PCDH11X: variants seen among roughly 807,000 people sequenced by gnomAD.
PCDH11X encodes protocadherin-11 X-linked.
A neutral mutation model predicts 53.3 loss-of-function variants in PCDH11X; 18 were observed. The ratio of observed to expected loss-of-function variants is 0.34; its 90% CI spans 0.23 to 0.50. The LOEUF is 0.50. PCDH11X is among the 20% of genes least tolerant of loss of function. PCDH11X has a pLI of 0.98. For missense variants in PCDH11X, 570 were observed against 1,032.4 expected, an observed-to-expected ratio of 0.55 and a Z score of 6.14; for synonymous variants, 279 against 393.3, an observed-to-expected ratio of 0.71 and a Z score of 3.44.
chrX:92,144,521 A>G (rs1334432786), intron 6 of PCDH11X, among the ~76,000 whole-genome samples: 2 of 111,502 alleles, frequency 1.8e-5, no homozygotes, highest in African/African-American at 6.6e-5. Context: ...TGCTACTGCC[A>G]TGTAAGAAGT....
At position 92,611,867 on chromosome X, in the gene PCDH11X, C is replaced by T. The variant is rs200020140; in HGVS notation, c.3368-6397C>T. ...TTTTTTAAATTTACTTCTGTTTATGCGGTGAATCACATTTATTGATTTGCA... is the reference window on the plus strand; with the variant it reads ...TTTTTTAAATTTACTTCTGTTTATGTGGTGAATCACATTTATTGATTTGCA... On this transcript the variant is annotated intron_variant, in intron 10 of 10. Coordinates refer to ENST00000682573, the MANE Select transcript of PCDH11X (RefSeq NM_032968.5). 1.8e-4 allele frequency among the ~76,000 whole-genome samples: 19 copies of T among 105,297 alleles called. No individual in the cohort carries two copies. The East Asian group carries it at 2.9e-3, about 16-fold the overall frequency. 91.4% of individuals were successfully genotyped at this position (105,297 alleles called of 115,157 possible).
chrX:91,795,727 C>T (rs1235462839), intron 1 of PCDH11X, among the ~76,000 whole-genome samples: 1 of 111,514 alleles, frequency 9.0e-6, no homozygotes, highest in Non-Finnish European at 1.9e-5. Context: ...CACTATAATA[C>T]TTTACTGCAA....
intron 5 of PCDH11X, among the ~76,000 whole-genome samples, chrX:91,865,856 G>A (rs1370719185): frequency 1.8e-5 from 2 of 111,488 alleles, no homozygotes; most frequent in East Asian, 2.8e-4. Context: ...AAGTCAGCTT[G>A]TGGTGATTGC....
At chrX:92,011,196 G>A (rs945651947) in intron 6 of PCDH11X, among the ~76,000 whole-genome samples, 12 of 111,950 alleles carry the variant, frequency 1.1e-4, no homozygotes, top group African/African-American at 3.9e-4. Flanking sequence ...ACACATGAAT[G>A]CGTCTTTATG....
chrX:91,850,964 G>A (rs1393971113), intron 5 of PCDH11X, among the ~76,000 whole-genome samples: 1 of 111,308 alleles, frequency 9.0e-6, no homozygotes. Context: ...ATTTGTGACA[G>A]CTATTTTAGG....
At chrX:91,839,461 C>CAAAAAAAAAAAAA (rs757627555) in intron 5 of PCDH11X, among the ~76,000 whole-genome samples, 1 of 70,394 alleles carries the variant, frequency 1.4e-5, no homozygotes, top group African/African-American at 4.9e-5. Context: ...TAAAAAAATA[C>CAAAAAAAAAAAAA]AAAAAAAAAA....
intron 8 of PCDH11X, among the ~76,000 whole-genome samples, chrX:92,265,224 C>T (rs988125022): frequency 9.1e-6 from 1 of 109,613 alleles, no homozygotes; most frequent in African/African-American, 3.3e-5. Flanking sequence ...TGTGAGCCAC[C>T]GCACCCGGCC....
intron 6 of PCDH11X, among the ~76,000 whole-genome samples, chrX:92,076,596 A>G (rs974893607): frequency 1.8e-5 from 2 of 111,658 alleles, no homozygotes; most frequent in African/African-American, 6.5e-5. Flanking sequence ...CAAATAACCA[A>G]AATTCCATAG....
rs1180678297 is a variant in PCDH11X, at chrX:92,506,216, C to CTTTTTTTT, written c.3367+37909_3367+37916dup. ...ATTTGGATACATTTTCTTTTCTTTT[C>CTTTTTTTT]TTTTTTTTTTTTTTTTTTTTTTGCC... On this transcript the variant is annotated intron_variant, in intron 10 of 10. Coordinates refer to ENST00000682573, the MANE Select transcript of PCDH11X (RefSeq NM_032968.5). Among the ~76,000 whole-genome samples the CTTTTTTTT allele has an allele frequency of 4.2e-4, 17 of 40,210 alleles. 1 individual carries two copies. The highest frequency in any genetic ancestry group is 2.8e-3 in the East Asian group (3 of 1,070). The allele number at this position is 40,210 out of a possible 115,157, so 34.9% of individuals were successfully genotyped here.
chrX:91,831,144 C>T (rs954760376), intron 4 of PCDH11X, among the ~76,000 whole-genome samples: 6 of 111,272 alleles, frequency 5.4e-5, no homozygotes, highest in African/African-American at 1.6e-4. Context: ...TTCAGAGATG[C>T]TTATTTTATT....
At chrX:92,331,279 TTTCTTCTTCTTCTTCTTC>T (rs757045963) in intron 8 of PCDH11X, among the ~76,000 whole-genome samples, 3 of 53,210 alleles carry the variant, frequency 5.6e-5, no homozygotes, top group Non-Finnish European at 1.0e-4. Flanking sequence ...CCTCCTCCTC[TTTCTTCTTCTTCTTCTTC>T]TTCTTCTTCT....
At chrX:92,413,170 C>T (rs2071728114) in intron 9 of PCDH11X, among the ~76,000 whole-genome samples, 1 of 67,125 alleles carries the variant, frequency 1.5e-5, no homozygotes, top group Non-Finnish European at 2.7e-5. Flanking sequence ...TCTCCACATG[C>T]TGTTCTGTCC....
intron 6 of PCDH11X, among the ~76,000 whole-genome samples, chrX:91,911,957 C>T (rs1285976925): frequency 1.8e-5 from 2 of 111,209 alleles, no homozygotes; most frequent in African/African-American, 6.5e-5. Context: ...TCTTTAATCT[C>T]TTTCATCAGT....
At position 92,288,049 on chromosome X, in the gene PCDH11X, C is replaced by A. The variant is rs747715593; in HGVS notation, c.3144+24906C>A. ...TAGAAGCATAAACCTGTATAGCCTG[C>A]AAAACTGTGAGCTGAATAAGCCTCT... On this transcript the variant is annotated intron_variant, in intron 8 of 10. Transcript: ENST00000682573. 2.7e-5 allele frequency: 14 copies of A among 509,146 alleles called. No individual in the cohort carries two copies. The African/African-American group carries it at 3.0e-4, about 11-fold the overall frequency. The allele number at this position is 509,146 out of a possible 1,213,427, so 42.0% of individuals were successfully genotyped here.
chrX:92,039,798 G>A (rs1323364181), intron 6 of PCDH11X, among the ~76,000 whole-genome samples: 1 of 110,715 alleles, frequency 9.0e-6, no homozygotes, highest in Non-Finnish European at 1.9e-5. Context: ...TTTCATCACA[G>A]CCACCACAGC....
intron 10 of PCDH11X, among the ~76,000 whole-genome samples, chrX:92,478,606 T>C (rs1168483534): frequency 9.2e-6 from 1 of 109,116 alleles, no homozygotes; most frequent in Non-Finnish European, 1.9e-5. Context: ...TCTTGATTTC[T>C]GCCTCAATTT....
intron 10 of PCDH11X, among the ~76,000 whole-genome samples, chrX:92,553,892 G>A (rs1212354825): frequency 1.8e-5 from 2 of 111,225 alleles, no homozygotes; most frequent in African/African-American, 6.5e-5. Flanking sequence ...ATATGAATGT[G>A]TTGCAGAAGT....
intron 6 of PCDH11X, among the ~76,000 whole-genome samples, chrX:92,034,416 T>C (rs1292619015): frequency 4.6e-5 from 5 of 109,150 alleles, no homozygotes; most frequent in African/African-American, 1.7e-4. Flanking sequence ...TATATTTGGG[T>C]GCTCCAGCGT....
At chrX:92,287,900 T>C in intron 8 of PCDH11X, 1 of 508,147 alleles carries the variant, frequency 2.0e-6, no homozygotes, top group Non-Finnish European at 3.5e-6. Flanking sequence ...TCTTACGAGA[T>C]CTGGTTGTCT....
Sources: gnomAD v4.1 joint callset for allele counts (sites outside exome capture counted in the v4.1 genomes callset) on GRCh38, gnomAD v4.1.1 for gene constraint, MANE v1.5 for transcripts, NCBI Gene and HGNC (gene_info 2026-07-23, HGNC 2026-07-21) for gene names.